The following LRRTM4 variants were observed in gnomAD, a reference collection of about 807,000 sequenced individuals.
LRRTM4 encodes leucine rich repeat transmembrane neuronal 4, also known as leucine-rich repeat transmembrane neuronal protein 4.
In LRRTM4, 25 loss-of-function variants were observed where a neutral mutation model predicts 47.6. The ratio of observed to expected loss-of-function variants is 0.53; its 90% CI spans 0.38 to 0.73. The LOEUF is 0.73. LRRTM4 is among the 30% of genes least tolerant of loss of function. The pLI is 0.00. For synonymous variants in LRRTM4, 311 were observed against 269.5 expected, an observed-to-expected ratio of 1.15 and a Z score of -1.51; for missense variants, 638 against 713.4, an observed-to-expected ratio of 0.89 and a Z score of 1.20.
At chr2:76,976,879 T>C (rs185358831) in intron 3 of LRRTM4, among the ~76,000 whole-genome samples, 1 of 151,956 alleles carries the variant, frequency 6.6e-6, no homozygotes, top group East Asian at 2.0e-4. Context: ...ATGTTCTATG[T>C]GATAGCTATG....
intron 3 of LRRTM4, among the ~76,000 whole-genome samples, chr2:77,092,877 A>G (rs1670692189): frequency 6.8e-6 from 1 of 146,250 alleles, no homozygotes; most frequent in South Asian, 2.1e-4. Flanking sequence ...CATCTTCAAG[A>G]AAAGTAGAAT....
rs1190768853 is a variant in LRRTM4 at position 77,068,564 on chromosome 2, C to T, written c.1552-319648G>A. 3.3e-5 allele frequency among the ~76,000 whole-genome samples: 5 copies of T among 152,188 alleles called. No homozygotes were observed. The East Asian group carries it at 9.6e-4, about 29-fold the overall frequency. On this transcript the variant is annotated intron_variant, in intron 3 of 3. Transcript: ENST00000409884. ...ATAACTGAATTTATACAATATGTGA[C>T]ATTTTCTGTCTGGCTTCCTTTAATT...
intron 3 of LRRTM4, among the ~76,000 whole-genome samples, chr2:77,172,335 G>A (rs1673071432): frequency 6.6e-6 from 1 of 152,060 alleles, no homozygotes; most frequent in Non-Finnish European, 1.5e-5. Flanking sequence ...GGTGGCTCAC[G>A]CCTGTAATCC....
intron 3 of LRRTM4, among the ~76,000 whole-genome samples, chr2:77,027,906 C>A (rs1262394719): frequency 6.6e-6 from 1 of 150,802 alleles, no homozygotes; most frequent in Non-Finnish European, 1.5e-5. Flanking sequence ...CTGCTTAAAG[C>A]CAGAATGAAA....
rs1558654983 is a variant in LRRTM4 at position 76,790,773 on chromosome 2, T to TA, written c.1552-41858_1552-41857insT. ...TTCCAGTTGATGTAAATCTACTCTT[T>TA]GATCAAATTTGATATAATTTCACTG... On this transcript the variant is annotated intron_variant, in intron 3 of 3. Coordinates refer to ENST00000409884, the MANE Select transcript of LRRTM4 (RefSeq NM_001134745.3). Among the ~76,000 whole-genome samples, 8 of 152,140 alleles carry TA rather than the reference T, an allele frequency of 5.3e-5. No individual in the cohort carries two copies. In the South Asian group the frequency reaches 1.5e-3, roughly 28 times the overall value.
At chr2:77,449,763 A>T (rs1676185611) in intron 3 of LRRTM4, among the ~76,000 whole-genome samples, 1 of 152,226 alleles carries the variant, frequency 6.6e-6, no homozygotes, top group African/African-American at 2.4e-5. Flanking sequence ...CCTGGTGCCC[A>T]GTGTGACCAC....
chr2:77,079,704 T>A (rs1680468727), intron 3 of LRRTM4, among the ~76,000 whole-genome samples: 1 of 152,164 alleles, frequency 6.6e-6, no homozygotes. Flanking sequence ...ATTCCTGATC[T>A]TCCTGTTTCT....
chr2:77,380,019 T>C (rs1276059650), intron 3 of LRRTM4, among the ~76,000 whole-genome samples: 2 of 152,162 alleles, frequency 1.3e-5, no homozygotes, highest in African/African-American at 4.8e-5. Flanking sequence ...TAATACTTTT[T>C]AAGCCAGAAA....
At chr2:76,885,780 T>A (rs778527073) in intron 3 of LRRTM4, among the ~76,000 whole-genome samples, 24 of 152,114 alleles carry the variant, frequency 1.6e-4, no homozygotes, top group Non-Finnish European at 3.1e-4. Context: ...CATACTTTTT[T>A]TAAAAAAAGC....
intron 3 of LRRTM4, among the ~76,000 whole-genome samples, chr2:77,281,727 T>C (rs1029913970): frequency 2.6e-5 from 4 of 151,710 alleles, no homozygotes; most frequent in Non-Finnish European, 4.4e-5. Context: ...GGGAGGTACA[T>C]GAAAATGCAT....
intron 3 of LRRTM4, among the ~76,000 whole-genome samples, chr2:77,435,825 A>G (rs572378429): frequency 3.3e-5 from 5 of 152,276 alleles, no homozygotes; most frequent in East Asian, 1.9e-4. Context: ...AGCTTCAGTT[A>G]TATATTCATT....
At chr2:77,283,992 T>C (rs1379532249) in intron 3 of LRRTM4, among the ~76,000 whole-genome samples, 1 of 152,052 alleles carries the variant, frequency 6.6e-6, no homozygotes, top group Non-Finnish European at 1.5e-5. Flanking sequence ...GAAAAAAGTT[T>C]GAAGGCACAA....
At chr2:77,342,860 G>T (rs899504005) in intron 3 of LRRTM4, among the ~76,000 whole-genome samples, 6 of 151,880 alleles carry the variant, frequency 4.0e-5, no homozygotes, top group Admixed American at 6.6e-5. Flanking sequence ...TCAAACTGAG[G>T]ACTCTATGCC....
chr2:77,189,607 A>G (rs973520836), intron 3 of LRRTM4, among the ~76,000 whole-genome samples: 9 of 152,226 alleles, frequency 5.9e-5, no homozygotes, highest in Non-Finnish European at 1.2e-4. Flanking sequence ...AAAGACAGTC[A>G]TCATCAGAAC....
intron 3 of LRRTM4, among the ~76,000 whole-genome samples, chr2:76,815,473 AAATT>A (rs1428171965): frequency 6.6e-6 from 1 of 152,112 alleles, no homozygotes; most frequent in Non-Finnish European, 1.5e-5. Flanking sequence ...AGAGATGATG[AAATT>A]AATTAATATC....
At chr2:77,210,695 C>T (rs889463387) in intron 3 of LRRTM4, among the ~76,000 whole-genome samples, 4 of 152,080 alleles carry the variant, frequency 2.6e-5, no homozygotes, top group Non-Finnish European at 5.9e-5. Context: ...TTTCCCACTG[C>T]GTTTTCAGGG....
At chr2:76,823,774 T>G (rs1671117242) in intron 3 of LRRTM4, among the ~76,000 whole-genome samples, 3 of 151,454 alleles carry the variant, frequency 2.0e-5, no homozygotes, top group Non-Finnish European at 3.0e-5. Context: ...TATCAAAAAA[T>G]AAAAGTCAAA....
chr2:76,860,573 C>T (rs563703224), intron 3 of LRRTM4, among the ~76,000 whole-genome samples: 62 of 151,654 alleles, frequency 4.1e-4, no homozygotes, highest in African/African-American at 1.3e-3. Flanking sequence ...TGTGTGTGTG[C>T]GTGTGTGTGT....
chr2:76,924,139 T>C (rs1447608798), intron 3 of LRRTM4, among the ~76,000 whole-genome samples: 1 of 152,096 alleles, frequency 6.6e-6, no homozygotes, highest in Non-Finnish European at 1.5e-5. Flanking sequence ...CTTATTTATG[T>C]CTTTCTGAAA....
Sources: allele counts gnomAD v4.1 joint callset (sites outside exome capture counted in the v4.1 genomes callset), GRCh38; gene constraint gnomAD v4.1.1; transcripts MANE v1.5; gene names NCBI Gene and HGNC (gene_info 2026-07-23, HGNC 2026-07-21).